Variants in DNAH17 observed in about 807,000 individuals in gnomAD.
DNAH17 encodes the protein dynein axonemal heavy chain 17, also known as axonemal beta dynein heavy chain 17.
A neutral mutation model predicts 485.6 loss-of-function variants in DNAH17; 376 were observed. The ratio of observed to expected loss-of-function variants is 0.77; its 90% CI spans 0.71 to 0.84. DNAH17 has a LOEUF of 0.84. DNAH17 is among the 40% of genes least tolerant of loss of function. The pLI is 0.00. For synonymous variants in DNAH17, 3,031 were observed against 2,405.9 expected, an observed-to-expected ratio of 1.26 and a Z score of -7.60; for missense variants, 6,370 against 5,839.3, an observed-to-expected ratio of 1.09 and a Z score of -2.96.
rs568270363 is a variant in DNAH17 at position 78,468,745 on chromosome 17, G to A, written c.8650C>T (p.Leu2884=). ...TTCTCCACCTCGTCCTCCATAAACA[G>A]CCCAGGGATCTCTCCTGAGGCCAGC... ...DLLASGEIPG[L]FMEDEVENII... The change falls in exon 55 of 81, where the codon CTG becomes TTG. Residue 2884 remains leucine (L), a synonymous_variant. Coordinates refer to ENST00000389840, the MANE Select transcript of DNAH17 (RefSeq NM_173628.4). The A allele has an allele frequency of 1.1e-5, 17 of 1,614,036 alleles. No homozygotes were observed. The highest frequency in any genetic ancestry group is 1.7e-5 in the Admixed American group (1 of 60,022).
At chr17:78,479,409 GA>G in intron 50 of DNAH17, 75 bp downstream of exon 50, 1 of 1,461,832 alleles carries the variant, frequency 6.8e-7, no homozygotes, top group Non-Finnish European at 9.1e-7. Context: ...TTTATCAAGG[GA>G]AAATGTGAAG....
intron 9 of DNAH17, 115 bp downstream of exon 9, chr17:78,569,051 T>G: frequency 1.2e-6 from 1 of 835,810 alleles, no homozygotes. Flanking sequence ...TGGGCCTCAC[T>G]TATTTTCTGC....
chr17:78,438,833 C>G (rs2086957491), intron 73 of DNAH17, among the ~76,000 whole-genome samples: 1 of 152,114 alleles, frequency 6.6e-6, no homozygotes, highest in Admixed American at 6.5e-5. Context: ...TTGGGGTACT[C>G]TCGTATAAAG....
chr17:78,538,138 C>CAAAAAAA (rs60460125), intron 18 of DNAH17, among the ~76,000 whole-genome samples: 1 of 106,292 alleles, frequency 9.4e-6, no homozygotes, highest in Non-Finnish European at 1.8e-5. Context: ...ACTCTGTCTC[C>CAAAAAAA]AAAAAAAAAA....
intron 74 of DNAH17, among the ~76,000 whole-genome samples, chr17:78,435,646 C>G (rs983167028): frequency 7.9e-5 from 12 of 152,254 alleles, no homozygotes; most frequent in African/African-American, 2.7e-4. Flanking sequence ...AAAGGAAGAA[C>G]TGCCCCTGTG....
intron 44 of DNAH17, among the ~76,000 whole-genome samples, chr17:78,489,217 C>A (rs768100398): frequency 6.6e-6 from 1 of 152,334 alleles, no homozygotes; most frequent in South Asian, 2.1e-4. Context: ...TCACTTCCCA[C>A]GCAGAGAGCA....
intron 46 of DNAH17, 27 bp downstream of exon 46, chr17:78,485,933 C>A: frequency 1.2e-6 from 2 of 1,606,284 alleles, no homozygotes; most frequent in South Asian, 2.2e-5. Context: ...AATCACCAGT[C>A]GGTGGCCCTG....
chr17:78,469,912 C>A (rs183619056), intron 54 of DNAH17, among the ~76,000 whole-genome samples: 3 of 151,490 alleles, frequency 2.0e-5, no homozygotes, highest in African/African-American at 7.3e-5. Flanking sequence ...TTGCCAGGGG[C>A]GGGGCTGGGG....
intron 18 of DNAH17, among the ~76,000 whole-genome samples, chr17:78,539,125 GGAGGCT>G (rs1725390467): frequency 6.6e-6 from 1 of 152,090 alleles, no homozygotes; most frequent in Non-Finnish European, 1.5e-5. Flanking sequence ...CAGCTACTTG[GGAGGCT>G]GAGGTAGAGA....
Position 78,514,821 on chromosome 17 carries a change from G to C in DNAH17, c.4066C>G (p.Pro1356Ala), listed in dbSNP as rs1255774481. The change falls in exon 26 of 81, where the codon CCT becomes GCT. Residue 1356 changes from proline (P) to alanine (A), a missense_variant. Pro to Ala is a conservative substitution (Grantham distance 27). Transcript: ENST00000389840. ...SLRAVSELQNPAIRERHWQQL... is the reference protein window; with the variant it reads ...SLRAVSELQNAAIRERHWQQL... ...TGCCAGTGGCGTTCCCGAATGGCAG[G>C]GTTCTGCAGCTCGCTCACGGCACGC... 2.5e-6 allele frequency: 4 copies of C among 1,614,040 alleles called. No individual in the cohort carries two copies. Among genetic ancestry groups the C allele is most frequent in the East Asian group, 4.5e-5 (2 of 44,882 alleles).
rs748912987 is a variant in DNAH17, at chr17:78,490,698, C to T, written c.6818+1G>A. The T allele has an allele frequency of 1.7e-5, 28 of 1,605,338 alleles. No homozygotes were observed. The highest frequency in any genetic ancestry group is 4.5e-5 in the East Asian group (2 of 44,574). On this transcript the variant is annotated splice_donor_variant, in intron 44 of 80. Coordinates refer to ENST00000389840, the MANE Select transcript of DNAH17 (RefSeq NM_173628.4). LOFTEE classifies it high-confidence loss of function. Reference sequence around the variant, plus strand: ...AACAGGAAAGCCAAAGCCCCACTCACGGGTTCCATCCCAGGTCGGCTGGGT... The same window carrying T: ...AACAGGAAAGCCAAAGCCCCACTCATGGGTTCCATCCCAGGTCGGCTGGGT...
At position 78,454,572 on chromosome 17, in the gene DNAH17, G is replaced by C; in HGVS notation, c.10304C>G (p.Thr3435Ser). ...STENATILGN[T>S]ERWPLIVDAQ... ...GTCCACGATCAGCGGCCACCGCTCG[G>C]TGTTGCCCAGGATGGTGGCATTCTC... Residue 3435 changes from threonine (T) to serine (S), a missense_variant, in exon 64 of 81, where the codon ACC becomes AGC. Coordinates refer to ENST00000389840, the MANE Select transcript of DNAH17 (RefSeq NM_173628.4). The C allele has an allele frequency of 6.2e-7, 1 of 1,613,054 alleles. No individual in the cohort carries two copies.
intron 49 of DNAH17, 113 bp downstream of exon 49, chr17:78,480,571 G>A (rs1598538957): frequency 1.2e-6 from 1 of 829,776 alleles, no homozygotes; most frequent in Middle Eastern, 2.3e-4. Flanking sequence ...GAGTTCTCCA[G>A]AAAATGTCGG....
In DNAH17 at chr17:78,573,178, G is replaced by A. The variant is rs140756925; in HGVS notation, c.346-284C>T. Among the ~76,000 whole-genome samples the A allele has an allele frequency of 6.2e-3, 950 of 152,292 alleles. 6 individuals carry two copies. Among genetic ancestry groups the A allele is most frequent in the Middle Eastern group, 0.031 (9 of 294 alleles). On this transcript the variant is annotated intron_variant, in intron 2 of 80. Transcript: ENST00000389840. Reference sequence around the variant, plus strand: ...CCATCCCCAAGCTCTTGCACCCATAGCACACACTCCTTGCTAAAAGCCTAG... The same window carrying A: ...CCATCCCCAAGCTCTTGCACCCATAACACACACTCCTTGCTAAAAGCCTAG...
chr17:78,562,182 G>C (rs1215176598), intron 11 of DNAH17, among the ~76,000 whole-genome samples: 2 of 152,196 alleles, frequency 1.3e-5, no homozygotes, highest in Non-Finnish European at 2.9e-5. Context: ...CTTAGGCCGA[G>C]TCCCCAAATA....
chr17:78,444,657 C>G lies in DNAH17; in HGVS notation c.11475G>C (p.Gln3825His). 6.2e-7 allele frequency: 1 copy of G among 1,607,454 alleles called. No individual in the cohort carries two copies. The highest frequency in any genetic ancestry group is 8.5e-7 in the Non-Finnish European group (1 of 1,177,548). ...PKEWKNKTAL[Q>H]KLCMVRCLRP... ...GCAGGCAGCGCACCATGCACAGCTTCTGCAGGGCCGTCTTGTTCTTCCACT... is the reference window on the plus strand; with the variant it reads ...GCAGGCAGCGCACCATGCACAGCTTGTGCAGGGCCGTCTTGTTCTTCCACT... Residue 3825 changes from glutamine to histidine, a missense_variant, in exon 71 of 81, where the codon CAG becomes CAC. Transcript: ENST00000389840.
rs1353161284 is a variant in DNAH17 at position 78,567,174 on chromosome 17, A to G, written c.1285-8T>C. On this transcript the variant is annotated splice_region_variant and splice_polypyrimidine_tract_variant and intron_variant, in intron 9 of 80. Transcript: ENST00000389840. ...TGCTGTTTTATAGAGTTCCTAGTGG[A>G]GGAGAAAAACACAGTCAATTCATCT... is the stretch of plus-strand genomic sequence containing the variant. The G allele has an allele frequency of 6.3e-7, 1 of 1,589,220 alleles. No individual in the cohort carries two copies. The highest frequency in any genetic ancestry group is 8.6e-7 in the Non-Finnish European group (1 of 1,167,626).
At chr17:78,547,694 T>C (rs2091801762) in intron 16 of DNAH17, among the ~76,000 whole-genome samples, 1 of 151,364 alleles carries the variant, frequency 6.6e-6, no homozygotes, top group Non-Finnish European at 1.5e-5. Context: ...CTCAGCTCAC[T>C]GCAACCTCCA....
rs1202038358 is a variant in DNAH17, at chr17:78,569,521, T to C, written c.1051A>G (p.Thr351Ala). Reference protein sequence around the residue: ...FCNQIIEMTRTFLSPEEVLKG... With the variant: ...FCNQIIEMTRAFLSPEEVLKG... ...AGCACCTCTTCCGGGCTCAGGAAGG[T>C]TCGTGTCTGGGCAAAAGAGAAGACA... The change falls in exon 8 of 81, where the codon ACC becomes GCC. Residue 351 changes from threonine to alanine, a missense_variant. Thr to Ala is a moderately conservative substitution (Grantham distance 58). Coordinates refer to ENST00000389840, the MANE Select transcript of DNAH17 (RefSeq NM_173628.4). 1.2e-6 allele frequency: 2 copies of C among 1,604,800 alleles called. No homozygotes were observed. The highest frequency in any genetic ancestry group is 2.2e-5 in the East Asian group (1 of 44,628).
Sources: allele counts gnomAD v4.1 joint callset (sites outside exome capture counted in the v4.1 genomes callset), GRCh38; gene constraint gnomAD v4.1.1; transcripts MANE v1.5; gene names NCBI Gene and HGNC (gene_info 2026-07-23, HGNC 2026-07-21).